TNNI1: variants seen among roughly 807,000 people sequenced by gnomAD.
TNNI1 encodes troponin I, slow skeletal muscle.
In TNNI1, 14 loss-of-function variants were observed where a neutral mutation model predicts 26.7. The ratio of observed to expected loss-of-function variants is 0.52; its 90% CI spans 0.35 to 0.82. TNNI1 has a LOEUF of 0.82. TNNI1 is among the 40% of genes least tolerant of loss of function. The pLI is 0.01. For missense variants in TNNI1, 164 were observed against 257.0 expected, an observed-to-expected ratio of 0.64 and a Z score of 2.47; for synonymous variants, 79 against 98.2, an observed-to-expected ratio of 0.80 and a Z score of 1.16.
chr1:201,410,456 C>T (rs1329779427), intron 7 of TNNI1, 21 bp from the exon 8 acceptor site: 3 of 1,607,610 alleles, frequency 1.9e-6, no homozygotes, highest in Admixed American at 1.7e-5. Context: ...GTGGCACACA[C>T]ATCAGGGACT....
At position 201,407,140 on chromosome 1, in the gene TNNI1, AAG is replaced by A. The variant is rs1236553244; in HGVS notation, c.*2111_*2112del. ...GGCCAGGCTCTAGGGAAGAGCTGGA[AAG>A]AGGTGAAACAAGGAGATCGCTTTGG... On this transcript the variant is annotated 3_prime_UTR_variant, in exon 9 of 9. Coordinates refer to ENST00000361379, the MANE Select transcript of TNNI1 (RefSeq NM_003281.4). The A allele has an allele frequency of 6.6e-6, 1 of 152,240 alleles. No homozygotes were observed. The highest frequency in any genetic ancestry group is 1.5e-5 in the Non-Finnish European group (1 of 68,054). The allele number at this position is 152,240 out of a possible 1,614,324, so 9.4% of individuals were successfully genotyped here.
intron 1 of TNNI1, among the ~76,000 whole-genome samples, chr1:201,420,590 A>T (rs1212975192): frequency 6.6e-6 from 1 of 151,604 alleles, no homozygotes. Flanking sequence ...TGTGAGTGTG[A>T]GAGAGAGAGC....
intron 1 of TNNI1, among the ~76,000 whole-genome samples, chr1:201,418,544 T>C (rs1463607461): frequency 6.6e-6 from 1 of 151,740 alleles, no homozygotes; most frequent in African/African-American, 2.4e-5. Context: ...GTTTAGACTT[T>C]ATCCTGTGGA....
intron 4 of TNNI1, 107 bp downstream of exon 4, chr1:201,415,106 C>G: frequency 1.9e-6 from 2 of 1,040,698 alleles, no homozygotes; most frequent in Non-Finnish European, 1.5e-6. Context: ...CTCACTCTGG[C>G]CTCCTTCCTT....
rs1215920092 is a variant in TNNI1 at position 201,411,767 on chromosome 1, C to T, written c.280-234G>A. ...GTTTCAGGATGAAACTGTTCCACCT[C>T]AGACCATCAGGCATGAGTTTGATTC... On this transcript the variant is annotated intron_variant, in intron 6 of 8. Coordinates refer to ENST00000361379, the MANE Select transcript of TNNI1 (RefSeq NM_003281.4). The surrounding 1 kb of genome is among the most constrained non-coding windows in gnomAD (Gnocchi z 4.6). Among the ~76,000 whole-genome samples, 1 of 152,220 alleles carries T rather than the reference C, an allele frequency of 6.6e-6. No individual in the cohort carries two copies. Among genetic ancestry groups the T allele is most frequent in the Non-Finnish European group, 1.5e-5 (1 of 68,036 alleles).
At chr1:201,418,027 G>A (rs1229611668) in intron 1 of TNNI1, among the ~76,000 whole-genome samples, 2 of 148,372 alleles carry the variant, frequency 1.3e-5, no homozygotes, top group Non-Finnish European at 3.0e-5. Context: ...GCCTGTTTTT[G>A]CTTAAAGAAT....
At position 201,410,452 on chromosome 1, in the gene TNNI1, C is replaced by T. The variant is rs770052117; in HGVS notation, c.457-17G>A. 6.2e-6 allele frequency: 10 copies of T among 1,610,034 alleles called. No homozygotes were observed. In the South Asian group the frequency reaches 1.1e-4, roughly 18 times the overall value. On this transcript the variant is annotated splice_polypyrimidine_tract_variant and intron_variant, in intron 7 of 8. Coordinates refer to ENST00000361379, the MANE Select transcript of TNNI1 (RefSeq NM_003281.4). ...AGGCCGCTCCTGTAGACAAGTGGCA[C>T]ACACATCAGGGACTTACCAGGCTGG...
In TNNI1 at chr1:201,413,222, G is replaced by A. The variant is rs1217411326; in HGVS notation, c.190-101C>T. The A allele has an allele frequency of 2.3e-6, 3 of 1,312,990 alleles. No homozygotes were observed. The East Asian group carries it at 6.9e-5, about 30-fold the overall frequency. The allele number at this position is 1,312,990 out of a possible 1,614,324, so 81.3% of individuals were successfully genotyped here. A position where few individuals can be genotyped will look rare whatever the true frequency, so the allele number is the denominator to read the frequency against. On this transcript the variant is annotated intron_variant, in intron 5 of 8. Transcript: ENST00000361379. ...TCCCCAGCCCCTTTGCAAGACCTGGGATCCAGAGAGGAGCTGACAGTCTCC... is the reference window on the plus strand; with the variant it reads ...TCCCCAGCCCCTTTGCAAGACCTGGAATCCAGAGAGGAGCTGACAGTCTCC...
rs993335668 is a variant in TNNI1, at chr1:201,406,234, C to T, written c.*3019G>A. On this transcript the variant is annotated 3_prime_UTR_variant, in exon 9 of 9. Transcript: ENST00000361379. ...GAGTGAGCTACTTGAACTCTCCAGG[C>T]CTCCATTTCCTCATCTGTAAATTTG... 4.2e-5 allele frequency: 5 copies of T among 118,596 alleles called. No individual in the cohort carries two copies. The highest frequency in any genetic ancestry group is 1.4e-4 in the African/African-American group (4 of 27,924). 7.3% of individuals were successfully genotyped at this position (118,596 alleles called of 1,614,324 possible).
intron 5 of TNNI1, 78 bp downstream of exon 5, chr1:201,414,440 C>G: frequency 7.5e-7 from 1 of 1,329,068 alleles, no homozygotes; most frequent in Non-Finnish European, 1.0e-6. Flanking sequence ...TTAGTTCAGG[C>G]TCCTGCCGCC....
chr1:201,411,549 G>A lies in TNNI1; in HGVS notation c.280-16C>T, dbSNP rs553929127. The A allele has an allele frequency of 1.1e-5, 17 of 1,549,594 alleles. No individual in the cohort carries two copies. Among genetic ancestry groups the A allele is most frequent in the Middle Eastern group, 1.7e-4 (1 of 5,814 alleles). On this transcript the variant is annotated splice_polypyrimidine_tract_variant and intron_variant, in intron 6 of 8. Coordinates refer to ENST00000361379, the MANE Select transcript of TNNI1 (RefSeq NM_003281.4). The surrounding 1 kb of genome is among the most constrained non-coding windows in gnomAD (Gnocchi z 4.6). The stretch of plus-strand genomic sequence containing the variant: ...GGTCCTTAATCTGTAGGTGAGAAGC[G>A]CCCGGGGCTCACTGGAGAGGCAGCT...
At chr1:201,410,035 T>TAGACG (rs1049138290) in intron 8 of TNNI1, 5 of 285,936 alleles carry the variant, frequency 1.7e-5, no homozygotes, top group Non-Finnish European at 3.3e-5. Flanking sequence ...CCAGGTGATG[T>TAGACG]AGACGCTGCT....
chr1:201,415,857 T>C (rs1205072050), intron 3 of TNNI1, among the ~76,000 whole-genome samples: 8 of 152,132 alleles, frequency 5.3e-5, no homozygotes, highest in Admixed American at 5.2e-4. Flanking sequence ...ATCCTAAACA[T>C]GTTCTTGCTT....
rs771766925 is a variant in TNNI1, at chr1:201,414,483, G to T, written c.189+35C>A. ...TGGAGCCACCCACACAGCACCTCCAGCCCCACCCTGCCCCGCCCCACCTGC... is the reference window on the plus strand; with the variant it reads ...TGGAGCCACCCACACAGCACCTCCATCCCCACCCTGCCCCGCCCCACCTGC... On this transcript the variant is annotated intron_variant, in intron 5 of 8. Transcript: ENST00000361379. 3.3e-6 allele frequency: 5 copies of T among 1,512,626 alleles called. No individual in the cohort carries two copies. In the South Asian group the frequency reaches 5.0e-5, roughly 15 times the overall value. 93.7% of individuals were successfully genotyped at this position (1,512,626 alleles called of 1,614,324 possible).
At position 201,406,289 on chromosome 1, in the gene TNNI1, T is replaced by A. The variant is rs1465790562; in HGVS notation, c.*2964A>T. 2 of 152,246 alleles carry A rather than the reference T, an allele frequency of 1.3e-5. No individual in the cohort carries two copies. Among genetic ancestry groups the A allele is most frequent in the Non-Finnish European group, 2.9e-5 (2 of 68,048 alleles). 9.4% of individuals were successfully genotyped at this position (152,246 alleles called of 1,614,324 possible). A position where few individuals can be genotyped will look rare whatever the true frequency, so the allele number is the denominator to read the frequency against. The stretch of plus-strand genomic sequence containing the variant: ...AACAAATGTACCATTTTTGTGAGAA[T>A]GCAATGATATAACTCAGATAAAGCA... On this transcript the variant is annotated 3_prime_UTR_variant, in exon 9 of 9. Coordinates refer to ENST00000361379, the MANE Select transcript of TNNI1 (RefSeq NM_003281.4).
chr1:201,413,152 GA>G (rs767645638), intron 5 of TNNI1, 31 bp from the exon 6 acceptor site: 14 of 1,611,506 alleles, frequency 8.7e-6, no homozygotes, highest in South Asian at 6.6e-5. Flanking sequence ...ATGCAGGTGT[GA>G]AGAAGAGGGG....
At chr1:201,410,914 A>G (rs1054008242) in intron 7 of TNNI1, among the ~76,000 whole-genome samples, 1 of 152,138 alleles carries the variant, frequency 6.6e-6, no homozygotes, top group Non-Finnish European at 1.5e-5. Flanking sequence ...GGGCACATAT[A>G]CTGTGAATTC....
rs897700900 is a variant in TNNI1, at chr1:201,404,361, A to G, written c.*4892T>C. 1 of 152,172 alleles carries G rather than the reference A, an allele frequency of 6.6e-6. No individual in the cohort carries two copies. Among genetic ancestry groups the G allele is most frequent in the Non-Finnish European group, 1.5e-5 (1 of 68,032 alleles). 9.4% of individuals were successfully genotyped at this position (152,172 alleles called of 1,614,324 possible). ...CATGTGTCTCAGCTGAGCAACTGCC[A>G]TGCTTGTGGCACTCTTAGGGGAAGG... On this transcript the variant is annotated 3_prime_UTR_variant, in exon 9 of 9. Transcript: ENST00000361379.
At chr1:201,420,726 A>C (rs1662842396) in intron 1 of TNNI1, among the ~76,000 whole-genome samples, 1 of 150,988 alleles carries the variant, frequency 6.6e-6, no homozygotes. Context: ...ATTCAAGGGC[A>C]TCCCTGTCTT....
Sources: allele counts gnomAD v4.1 joint callset (sites outside exome capture counted in the v4.1 genomes callset), GRCh38; gene constraint gnomAD v4.1.1; non-coding constraint Gnocchi (gnomAD v3.1); transcripts MANE v1.5; gene names NCBI Gene and HGNC (gene_info 2026-07-23, HGNC 2026-07-21).